CAMK1D: variants seen among roughly 807,000 people sequenced by gnomAD.
The protein encoded by CAMK1D is calcium/calmodulin dependent protein kinase ID, also known as calcium/calmodulin-dependent protein kinase type 1D.
In CAMK1D, 9 loss-of-function variants were observed where a neutral mutation model predicts 47.7. The ratio of observed to expected loss-of-function variants is 0.19; its 90% CI spans 0.11 to 0.33. The LOEUF is 0.33. Among genes scored for constraint, CAMK1D ranks in the 10% least tolerant of loss-of-function variants. The probability of loss-of-function intolerance (pLI) is 1.00; values close to 1 mark genes in which losing one functional copy is unlikely to be tolerated. For missense variants in CAMK1D, 291 were observed against 488.7 expected, an observed-to-expected ratio of 0.60 and a Z score of 3.81; for synonymous variants, 184 against 184.9, an observed-to-expected ratio of 0.99 and a Z score of 0.04.
chr10:12,828,944 C>G lies in CAMK1D; in HGVS notation c.*57C>G. 4 of 1,329,704 alleles carry G rather than the reference C, an allele frequency of 3.0e-6. No individual in the cohort carries two copies. The highest frequency in any genetic ancestry group is 4.1e-6 in the Non-Finnish European group (4 of 985,506). The allele number at this position is 1,329,704 out of a possible 1,614,324, so 82.4% of individuals were successfully genotyped here. A position where few individuals can be genotyped will look rare whatever the true frequency, so the allele number is the denominator to read the frequency against. ...CTGGGGAAGGGGAGCCCCAGGGTCG[C>G]CAGAGCCGCGAGCCACTCCAGCGAG... On this transcript the variant is annotated 3_prime_UTR_variant, in exon 11 of 11. Coordinates refer to ENST00000619168, the MANE Select transcript of CAMK1D (RefSeq NM_153498.4).
At chr10:12,555,210 C>T (rs748917097) in intron 2 of CAMK1D, among the ~76,000 whole-genome samples, 2 of 152,194 alleles carry the variant, frequency 1.3e-5, no homozygotes, top group East Asian at 1.9e-4. Flanking sequence ...TAAACCGTCT[C>T]GCCCACTCCT....
intron 3 of CAMK1D, chr10:12,725,461 T>A (rs78753545): frequency 0.026 from 4,047 of 154,714 alleles, 118 homozygotes; most frequent in African/African-American, 0.072. Flanking sequence ...CAAGAGAGAG[T>A]AAAGTGCATT....
chr10:12,542,328 A>G (rs765997955), intron 1 of CAMK1D, among the ~76,000 whole-genome samples: 2 of 152,268 alleles, frequency 1.3e-5, no homozygotes, highest in Non-Finnish European at 2.9e-5. Flanking sequence ...TAAGGGCAAT[A>G]GGCTGGAAGC....
In CAMK1D at chr10:12,569,012, A is replaced by G. The variant is rs187593621; in HGVS notation, c.224+15656A>G. 2.0e-5 allele frequency among the ~76,000 whole-genome samples: 3 copies of G among 152,334 alleles called. No individual in the cohort carries two copies. In the East Asian group the frequency reaches 5.8e-4, roughly 29 times the overall value. The stretch of plus-strand genomic sequence containing the variant: ...AAATATCACAGCGACAAGGAGTGTA[A>G]TATAAACTTCCAAATGGAAACTGTT... On this transcript the variant is annotated intron_variant, in intron 2 of 10. Coordinates refer to ENST00000619168, the MANE Select transcript of CAMK1D (RefSeq NM_153498.4).
At chr10:12,625,386 C>T (rs1166112532) in intron 2 of CAMK1D, among the ~76,000 whole-genome samples, 1 of 149,726 alleles carries the variant, frequency 6.7e-6, no homozygotes, top group East Asian at 2.0e-4. Flanking sequence ...GGCTGGAGTG[C>T]AGTGGCATGA....
At chr10:12,387,550 A>G (rs189412617) in intron 1 of CAMK1D, among the ~76,000 whole-genome samples, 3,060 of 144,254 alleles carry the variant, frequency 0.021, 61 homozygotes, top group Non-Finnish European at 0.029. Context: ...TCCGTGGCCC[A>G]GGCTGGAGTG....
chr10:12,657,168 T>G (rs970244274), intron 2 of CAMK1D, among the ~76,000 whole-genome samples: 1 of 152,174 alleles, frequency 6.6e-6, no homozygotes, highest in Non-Finnish European at 1.5e-5. Context: ...GGCTCATGCC[T>G]GTAATCCCAG....
intron 6 of CAMK1D, among the ~76,000 whole-genome samples, chr10:12,800,036 C>T (rs1226348540): frequency 6.6e-6 from 1 of 152,168 alleles, no homozygotes; most frequent in African/African-American, 2.4e-5. Flanking sequence ...GAGGGTGCAG[C>T]AGGCATTTAT....
At chr10:12,638,778 G>C (rs1386560623) in intron 2 of CAMK1D, among the ~76,000 whole-genome samples, 1 of 152,200 alleles carries the variant, frequency 6.6e-6, no homozygotes, top group African/African-American at 2.4e-5. Context: ...CCCTCATTTT[G>C]TATCACCAAA....
At chr10:12,811,148 G>T (rs1005080557) in intron 6 of CAMK1D, among the ~76,000 whole-genome samples, 1 of 152,120 alleles carries the variant, frequency 6.6e-6, no homozygotes, top group African/African-American at 2.4e-5. Context: ...TTGAAGCCTA[G>T]AAAAATTGGG....
chr10:12,801,354 T>TTATC (rs56165416), intron 6 of CAMK1D, among the ~76,000 whole-genome samples: 3,446 of 66,332 alleles, frequency 0.052, 145 homozygotes, highest in Middle Eastern at 0.066. Context: ...TCTATCTATC[T>TTATC]TATCTATCTA....
At chr10:12,397,827 G>C (rs1370539514) in intron 1 of CAMK1D, among the ~76,000 whole-genome samples, 3 of 152,084 alleles carry the variant, frequency 2.0e-5, no homozygotes, top group Non-Finnish European at 4.4e-5. Flanking sequence ...AAAAATCGCA[G>C]GTAAACTGTA....
chr10:12,560,032 A>T (rs1564411941), intron 2 of CAMK1D, among the ~76,000 whole-genome samples: 1 of 152,122 alleles, frequency 6.6e-6, no homozygotes. Flanking sequence ...CTTCCTCTCA[A>T]TGCGGACCAG....
intron 1 of CAMK1D, among the ~76,000 whole-genome samples, chr10:12,461,349 C>T (rs1227528678): frequency 6.6e-6 from 1 of 152,086 alleles, no homozygotes. Context: ...GGGTAGGAGT[C>T]GTCTGATTCT....
intron 1 of CAMK1D, among the ~76,000 whole-genome samples, chr10:12,538,011 A>G (rs182402387): frequency 2.5e-4 from 38 of 152,314 alleles, no homozygotes; most frequent in African/African-American, 8.9e-4. Context: ...ATGCCGTATC[A>G]AATGCTAGGC....
intron 2 of CAMK1D, among the ~76,000 whole-genome samples, chr10:12,616,349 A>G (rs771015203): frequency 1.3e-5 from 2 of 152,210 alleles, no homozygotes; most frequent in Non-Finnish European, 2.9e-5. Context: ...AGTAGCTAAC[A>G]TTTATCGATG....
intron 1 of CAMK1D, among the ~76,000 whole-genome samples, chr10:12,518,066 C>G (rs1009687886): frequency 4.6e-5 from 7 of 152,126 alleles, no homozygotes; most frequent in Non-Finnish European, 8.8e-5. Flanking sequence ...AATTTCTTTA[C>G]TAGATACAGT....
intron 6 of CAMK1D, among the ~76,000 whole-genome samples, chr10:12,805,709 A>G (rs1838699112): frequency 6.6e-6 from 1 of 152,184 alleles, no homozygotes. Flanking sequence ...AGAACCCAAG[A>G]GGGAGGTGGG....
intron 1 of CAMK1D, among the ~76,000 whole-genome samples, chr10:12,540,547 T>C (rs911614542): frequency 6.6e-6 from 1 of 152,230 alleles, no homozygotes; most frequent in African/African-American, 2.4e-5. Flanking sequence ...AAACCAAAGA[T>C]ATCACAAGCA....
Sources: gnomAD v4.1 joint callset for allele counts (sites outside exome capture counted in the v4.1 genomes callset) on GRCh38, gnomAD v4.1.1 for gene constraint, MANE v1.5 for transcripts, NCBI Gene and HGNC (gene_info 2026-07-23, HGNC 2026-07-21) for gene names.